The following COL4A5 variants were observed in gnomAD, a reference collection of about 807,000 sequenced individuals.
COL4A5 encodes the protein collagen type IV alpha 5 chain, also known as collagen alpha-5(IV) chain.
A neutral mutation model predicts 130.2 loss-of-function variants in COL4A5; 26 were observed. The ratio of observed to expected loss-of-function variants is 0.20; its 90% CI spans 0.15 to 0.28. The LOEUF is 0.28. Ranked by LOEUF, COL4A5 falls within the 10% of genes least tolerant of loss-of-function variation. COL4A5 has a pLI of 1.00. For missense variants in COL4A5, 1,131 were observed against 1,344.3 expected (o/e 0.84, Z 2.48); for synonymous variants, 496 against 439.6 (o/e 1.13, Z -1.60).
At chrX:108,645,076 G>T (rs1281466451) in intron 36 of COL4A5, among the ~76,000 whole-genome samples, 1 of 110,486 alleles carries the variant, frequency 9.1e-6, no homozygotes, top group African/African-American at 3.3e-5. Context: ...CAAAGGTGGT[G>T]CAAAGAGGAA....
At position 108,522,737 on chromosome X, in the gene COL4A5, T is replaced by C. The variant is rs547044424; in HGVS notation, c.82-17009T>C. Among the ~76,000 whole-genome samples the C allele has an allele frequency of 7.2e-4, 78 of 109,045 alleles. No individual in the cohort carries two copies. The South Asian group carries it at 0.014, about 20-fold the overall frequency. 94.7% of individuals were successfully genotyped at this position (109,045 alleles called of 115,157 possible). A position where few individuals can be genotyped will look rare whatever the true frequency, so the allele number is the denominator to read the frequency against. Reference sequence around the variant, plus strand: ...AAATACATTTTCCCATTCTGTAGGTTGTCTTTTCACTTTCTTGGTAGTGTC... The same window carrying C: ...AAATACATTTTCCCATTCTGTAGGTCGTCTTTTCACTTTCTTGGTAGTGTC... On this transcript the variant is annotated intron_variant, in intron 1 of 52. Coordinates refer to ENST00000328300, the MANE Select transcript of COL4A5 (RefSeq NM_033380.3).
At chrX:108,624,661 T>C (rs1274978539) in intron 34 of COL4A5, among the ~76,000 whole-genome samples, 1 of 112,212 alleles carries the variant, frequency 8.9e-6, no homozygotes, top group Non-Finnish European at 1.9e-5. Flanking sequence ...GACAATTATC[T>C]CATGAAGGCC....
At chrX:108,556,764 C>T (rs1435587706) in intron 2 of COL4A5, among the ~76,000 whole-genome samples, 1 of 110,967 alleles carries the variant, frequency 9.0e-6, no homozygotes, top group African/African-American at 3.3e-5. Flanking sequence ...CCCATCCCCA[C>T]CACATCCTCG....
intron 36 of COL4A5, chrX:108,627,167 T>C (rs951005275): frequency 1.8e-5 from 12 of 659,436 alleles, no homozygotes; most frequent in African/African-American, 9.7e-5. Flanking sequence ...AGTTTAACAA[T>C]GTAAAGTTTC....
At chrX:108,617,911 A>G (rs1459425013) in intron 30 of COL4A5, among the ~76,000 whole-genome samples, 1 of 112,116 alleles carries the variant, frequency 8.9e-6, no homozygotes, top group Admixed American at 9.5e-5. Flanking sequence ...TTGTTTATGA[A>G]TTATTCATGT....
At chrX:108,679,989 G>A (rs1483274465) in intron 44 of COL4A5, among the ~76,000 whole-genome samples, 3 of 111,902 alleles carry the variant, frequency 2.7e-5, no homozygotes, top group African/African-American at 9.7e-5. Context: ...CTGTACAAGC[G>A]AAAGTGTGAT....
At chrX:108,552,220 T>C (rs1603274071) in intron 2 of COL4A5, among the ~76,000 whole-genome samples, 1 of 111,373 alleles carries the variant, frequency 9.0e-6, no homozygotes, top group African/African-American at 3.3e-5. Flanking sequence ...AAAAAAAAAA[T>C]GTTATACAAA....
rs2065509617 is a variant in COL4A5, at chrX:108,539,790, C to T, written c.126C>T (p.Gly42=). 8.3e-7 allele frequency: 1 copy of T among 1,206,416 alleles called. No homozygotes were observed. Among genetic ancestry groups the T allele is most frequent in the East Asian group, 3.0e-5 (1 of 33,771 alleles). ...CSPGSKCDCS[G]IKGEKGERGF... is the part of the protein sequence containing the mutation. Reference sequence around the variant, plus strand: ...CAGGATCAAAGTGTGACTGCAGTGGCATAAAAGGGGAAAAGGTGAGGTCTT... The same window carrying T: ...CAGGATCAAAGTGTGACTGCAGTGGTATAAAAGGGGAAAAGGTGAGGTCTT... Residue 42 remains glycine, a synonymous_variant, in exon 2 of 53, where the codon GGC becomes GGT. Transcript: ENST00000328300.
chrX:108,467,956 A>G (rs1229123357), intron 1 of COL4A5, among the ~76,000 whole-genome samples: 1 of 111,664 alleles, frequency 9.0e-6, no homozygotes, highest in African/African-American at 3.3e-5. Flanking sequence ...CCTAGGACCA[A>G]AAGTGTTTCA....
intron 37 of COL4A5, 94 bp from the exon 38 acceptor site, chrX:108,665,412 GT>G: frequency 1.7e-6 from 1 of 598,252 alleles, no homozygotes; most frequent in Non-Finnish European, 2.8e-6. Flanking sequence ...GTTCTTCACT[GT>G]TTCTATGCTA....
intron 1 of COL4A5, among the ~76,000 whole-genome samples, chrX:108,455,032 C>G (rs2064570731): frequency 8.9e-6 from 1 of 112,115 alleles, no homozygotes; most frequent in African/African-American, 3.2e-5. Context: ...TCACAACATT[C>G]AAGATAATGA....
chrX:108,695,728 C>A, intron 52 of COL4A5: 1 of 313,915 alleles, frequency 3.2e-6, no homozygotes. Flanking sequence ...AGCTGTTCAA[C>A]TAGATTGAGA....
At chrX:108,464,408 G>A (rs1250086143) in intron 1 of COL4A5, among the ~76,000 whole-genome samples, 1 of 111,969 alleles carries the variant, frequency 8.9e-6, no homozygotes, top group Non-Finnish European at 1.9e-5. Flanking sequence ...GGAAGTGGGA[G>A]TAGTAGTAAA....
chrX:108,686,166 G>A (rs1362390160), intron 48 of COL4A5, 37 bp downstream of exon 48: 1 of 1,081,074 alleles, frequency 9.3e-7, no homozygotes, highest in African/African-American at 1.8e-5. Context: ...TGGAGGGAAA[G>A]TCTTTGAGTC....
At chrX:108,646,079 C>T (rs1434065794) in intron 36 of COL4A5, among the ~76,000 whole-genome samples, 2 of 112 alleles carry the variant, frequency 0.018, no homozygotes, top group Non-Finnish European at 0.03. Flanking sequence ...GATTTATAAT[C>T]CTTTGGTATA....
chrX:108,498,471 T>A (rs1042287974), intron 1 of COL4A5, among the ~76,000 whole-genome samples: 1 of 111,225 alleles, frequency 9.0e-6, no homozygotes, highest in Non-Finnish European at 1.9e-5. Context: ...TTTTGGATAG[T>A]TTATGTTCTT....
intron 3 of COL4A5, among the ~76,000 whole-genome samples, chrX:108,561,443 G>A (rs762577311): frequency 1.8e-5 from 2 of 110,368 alleles, no homozygotes; most frequent in East Asian, 5.7e-4. Flanking sequence ...AGCAAGAATA[G>A]CATCTCAATG....
chrX:108,532,658 T>G (rs2065400311), intron 1 of COL4A5, among the ~76,000 whole-genome samples: 1 of 110,993 alleles, frequency 9.0e-6, no homozygotes, highest in African/African-American at 3.3e-5. Flanking sequence ...TACCGATATA[T>G]CTATCTAGAG....
intron 1 of COL4A5, among the ~76,000 whole-genome samples, chrX:108,491,475 C>T (rs2064992908): frequency 9.0e-6 from 1 of 111,506 alleles, no homozygotes; most frequent in African/African-American, 3.3e-5. Flanking sequence ...GAGTAGGGAA[C>T]CCTCAAAATT....
Sources: gnomAD v4.1 joint callset for allele counts (sites outside exome capture counted in the v4.1 genomes callset) on GRCh38, gnomAD v4.1.1 for gene constraint, MANE v1.5 for transcripts, NCBI Gene and HGNC (gene_info 2026-07-23, HGNC 2026-07-21) for gene names.